SOX5: variants seen among roughly 807,000 people sequenced by gnomAD.
The protein encoded by SOX5 is SRY-box transcription factor 5.
A neutral mutation model predicts 92.0 loss-of-function variants in SOX5; 9 were observed. That is an observed-to-expected ratio of 0.10 (90% confidence interval 0.06 to 0.17). The LOEUF (loss-of-function observed/expected upper bound fraction) is 0.17, where lower values mean the gene tolerates loss of function less well. Ranked by LOEUF, SOX5 falls within the 10% of genes least tolerant of loss-of-function variation. SOX5 has a pLI of 1.00. For missense variants in SOX5, 642 were observed against 944.5 expected (o/e 0.68, Z 4.20); for synonymous variants, 344 against 336.3 (o/e 1.02, Z -0.25).
intron 3 of SOX5, among the ~76,000 whole-genome samples, chr12:23,782,904 T>C (rs1433095540): frequency 6.6e-6 from 1 of 152,090 alleles, no homozygotes; most frequent in Non-Finnish European, 1.5e-5. Flanking sequence ...AAAATCAGAT[T>C]TACAAGGTTA....
intron 1 of SOX5, among the ~76,000 whole-genome samples, chr12:23,929,020 G>GT (rs35100988): frequency 0.41 from 61,298 of 150,896 alleles, 12,886 homozygotes; most frequent in Non-Finnish European, 0.46. Context: ...TGCTCTGGTA[G>GT]TGTTTTTTTA....
At chr12:23,686,215 GC>G (rs2139920202) in intron 6 of SOX5, among the ~76,000 whole-genome samples, 1 of 152,186 alleles carries the variant, frequency 6.6e-6, no homozygotes, top group African/African-American at 2.4e-5. Context: ...CAAAATTTAT[GC>G]TAAAGAATGA....
At chr12:24,482,145 A>G (rs185720380) in intron 1 of SOX5, among the ~76,000 whole-genome samples, 1 of 152,334 alleles carries the variant, frequency 6.6e-6, no homozygotes, top group Non-Finnish European at 1.5e-5. Flanking sequence ...TCTTAAGGCA[A>G]CAGGAGAAGT....
At chr12:24,030,999 C>T (rs1213222292) in intron 4 of SOX5, among the ~76,000 whole-genome samples, 1 of 151,772 alleles carries the variant, frequency 6.6e-6, no homozygotes, top group Non-Finnish European at 1.5e-5. Flanking sequence ...TGAGGTATCA[C>T]CTCACACCTG....
At chr12:23,786,399 G>A (rs967516294) in intron 3 of SOX5, among the ~76,000 whole-genome samples, 5 of 151,660 alleles carry the variant, frequency 3.3e-5, no homozygotes, top group Non-Finnish European at 7.4e-5. Context: ...ATATTCCTTG[G>A]TAACCAAGGA....
intron 4 of SOX5, among the ~76,000 whole-genome samples, chr12:24,172,160 A>G (rs2078038088): frequency 6.6e-6 from 1 of 152,014 alleles, no homozygotes; most frequent in South Asian, 2.1e-4. Flanking sequence ...CAAATTCCGT[A>G]AACTAAATTT....
intron 1 of SOX5, among the ~76,000 whole-genome samples, chr12:24,534,634 C>T (rs1284784640): frequency 6.6e-6 from 1 of 152,196 alleles, no homozygotes; most frequent in Non-Finnish European, 1.5e-5. Context: ...GAGTGTACCC[C>T]AAGATGAACA....
chr12:24,328,357 G>T (rs973904497), intron 2 of SOX5, among the ~76,000 whole-genome samples: 16 of 152,276 alleles, frequency 1.1e-4, no homozygotes, highest in African/African-American at 3.4e-4. Flanking sequence ...TTAAGAAGTT[G>T]TATTCAGATA....
chr12:24,044,769 T>C (rs190142856), intron 4 of SOX5, among the ~76,000 whole-genome samples: 38 of 152,314 alleles, frequency 2.5e-4, no homozygotes, highest in African/African-American at 8.7e-4. Context: ...GCCAGAAGGC[T>C]ATTCTATTAT....
chr12:23,540,569 A>G (rs182612112), intron 13 of SOX5, among the ~76,000 whole-genome samples: 123 of 152,256 alleles, frequency 8.1e-4, no homozygotes, highest in African/African-American at 2.9e-3. Flanking sequence ...GCTGGGCAAC[A>G]TTGTCATCTC....
In SOX5 at chr12:23,759,470, C is replaced by T. The variant is rs1232495627; in HGVS notation, c.482-3746G>A. ...ACATCATTTCACCCACTTCACCCCT[C>T]TCTCTGAATTTATGTAAAGCAAAGA... On this transcript the variant is annotated intron_variant, in intron 3 of 14. Transcript: ENST00000451604. 3.9e-5 allele frequency among the ~76,000 whole-genome samples: 6 copies of T among 152,016 alleles called. 1 individual carries two copies. The highest frequency in any genetic ancestry group is 3.9e-4 in the Admixed American group (6 of 15,236).
intron 4 of SOX5, among the ~76,000 whole-genome samples, chr12:23,977,561 G>C (rs1023630632): frequency 6.6e-6 from 1 of 152,120 alleles, no homozygotes; most frequent in African/African-American, 2.4e-5. Context: ...TACTTGGGAG[G>C]CTGAGGCACA....
intron 4 of SOX5, among the ~76,000 whole-genome samples, chr12:24,136,046 T>C (rs544086992): frequency 2.4e-4 from 37 of 152,334 alleles, no homozygotes; most frequent in Middle Eastern, 3.4e-3. Flanking sequence ...GATAGAAGTC[T>C]ATTTTAAATA....
chr12:24,406,557 A>C (rs1247166000), intron 1 of SOX5, among the ~76,000 whole-genome samples: 1 of 152,222 alleles, frequency 6.6e-6, no homozygotes, highest in Admixed American at 6.5e-5. Flanking sequence ...AAGAGAGGAA[A>C]AAATGACAGA....
intron 3 of SOX5, among the ~76,000 whole-genome samples, chr12:24,264,864 T>C (rs1942783573): frequency 6.6e-6 from 1 of 152,224 alleles, no homozygotes; most frequent in Admixed American, 6.5e-5. Context: ...TTATAAAGGA[T>C]GCTGAATTTA....
At chr12:23,695,940 C>CAAAAAAAAAAAA (rs71059917) in intron 6 of SOX5, among the ~76,000 whole-genome samples, 2 of 11,900 alleles carry the variant, frequency 1.7e-4, no homozygotes, top group African/African-American at 5.5e-4. Context: ...GACTCTGTCT[C>CAAAAAAAAAAAA]AAAAAAAAAA....
chr12:24,424,792 T>C (rs1387583701), intron 1 of SOX5, among the ~76,000 whole-genome samples: 3 of 142,702 alleles, frequency 2.1e-5, no homozygotes, highest in South Asian at 2.3e-4. Flanking sequence ...GCTCTTTTCT[T>C]TGTGAGTTTT....
intron 1 of SOX5, among the ~76,000 whole-genome samples, chr12:24,504,212 T>C (rs937133390): frequency 3.9e-5 from 6 of 152,238 alleles, no homozygotes; most frequent in African/African-American, 7.2e-5. Flanking sequence ...TCAATACTTA[T>C]GTCCTTAAAA....
chr12:24,296,006 G>A (rs1394129221), intron 2 of SOX5, among the ~76,000 whole-genome samples: 1 of 152,164 alleles, frequency 6.6e-6, no homozygotes, highest in Non-Finnish European at 1.5e-5. Flanking sequence ...TTTACCCAGT[G>A]CATTATTTTA....
Sources: gnomAD v4.1 joint callset for allele counts (sites outside exome capture counted in the v4.1 genomes callset) on GRCh38, gnomAD v4.1.1 for gene constraint, MANE v1.5 for transcripts, NCBI Gene and HGNC (gene_info 2026-07-23, HGNC 2026-07-21) for gene names.